The following KMO variants were observed in gnomAD, a reference collection of about 807,000 sequenced individuals.
KMO encodes kynurenine 3-monooxygenase, also known as kynurenine 3-hydroxylase.
KMO carries 24 observed loss-of-function variants against 57.8 expected under a neutral mutation model. The ratio of observed to expected loss-of-function variants is 0.42; its 90% CI spans 0.30 to 0.58. The LOEUF (loss-of-function observed/expected upper bound fraction) is 0.58. KMO is among the 20% of genes least tolerant of loss of function. KMO has a pLI of 0.22. For synonymous variants in KMO, 210 were observed against 193.6 expected (o/e 1.08, Z -0.70); for missense variants, 483 against 588.2 (o/e 0.82, Z 1.85).
chr1:241,548,790 TG>T, intron 1 of KMO, 38 bp from the exon 2 acceptor site: 1 of 1,277,726 alleles, frequency 7.8e-7, no homozygotes, highest in Non-Finnish European at 1.1e-6. Flanking sequence ...CCTATATTTG[TG>T]GAATCAGATA....
chr1:241,545,254 T>C (rs897653758), intron 1 of KMO, among the ~76,000 whole-genome samples: 1 of 152,220 alleles, frequency 6.6e-6, no homozygotes, highest in Admixed American at 6.5e-5. Flanking sequence ...CAGACAGATA[T>C]TGATTATAGA....
intron 9 of KMO, among the ~76,000 whole-genome samples, chr1:241,567,169 G>C (rs1662114574): frequency 6.6e-6 from 1 of 152,172 alleles, no homozygotes; most frequent in South Asian, 2.1e-4. Flanking sequence ...CTTCATGAAG[G>C]CAGCGCAATG....
chr1:241,557,015 G>A (rs1040719926), intron 5 of KMO, among the ~76,000 whole-genome samples: 2 of 147,068 alleles, frequency 1.4e-5, no homozygotes, highest in African/African-American at 5.0e-5. Flanking sequence ...GCACAGAAGG[G>A]CCCAAGAATA....
chr1:241,560,568 C>A, intron 5 of KMO, 97 bp from the exon 6 acceptor site: 1 of 852,236 alleles, frequency 1.2e-6, no homozygotes, highest in Non-Finnish European at 2.0e-6. Flanking sequence ...AAATTCTCTA[C>A]CATACTGTTC....
intron 11 of KMO, among the ~76,000 whole-genome samples, chr1:241,588,008 T>C (rs1663075908): frequency 6.6e-6 from 1 of 152,196 alleles, no homozygotes; most frequent in South Asian, 2.1e-4. Flanking sequence ...AGGTAAAGGA[T>C]AGACTAGAGA....
chr1:241,570,084 T>C (rs1174743205), intron 10 of KMO, among the ~76,000 whole-genome samples: 1 of 152,152 alleles, frequency 6.6e-6, no homozygotes, highest in East Asian at 1.9e-4. Context: ...GATTATTCGT[T>C]ATCTTCTGAC....
intron 10 of KMO, among the ~76,000 whole-genome samples, chr1:241,570,591 A>T (rs560117133): frequency 6.6e-6 from 1 of 151,938 alleles, no homozygotes; most frequent in East Asian, 1.9e-4. Context: ...TCAATGCTAA[A>T]ATTGAATGTG....
At chr1:241,538,322 T>C (rs747031480) in intron 1 of KMO, among the ~76,000 whole-genome samples, 11 of 152,116 alleles carry the variant, frequency 7.2e-5, no homozygotes, top group South Asian at 2.1e-4. Context: ...CCTTACTCCA[T>C]AGTAATAAGG....
At chr1:241,566,302 C>T (rs1056062970) in intron 8 of KMO, among the ~76,000 whole-genome samples, 189 bp from the exon 9 acceptor site, 1 of 152,116 alleles carries the variant, frequency 6.6e-6, no homozygotes, top group Admixed American at 6.5e-5. Flanking sequence ...CTGGAGAGCA[C>T]CCCTGGGACT....
At position 241,586,750 on chromosome 1, in the gene KMO, A is replaced by G. The variant is rs774898184; in HGVS notation, c.1015+14A>G. ...GTAACGACCTTAGTAAGTAAGGTCA[A>G]TTTCTCAACTGGACATGTACTAGCT... On this transcript the variant is annotated intron_variant, in intron 11 of 14. Coordinates refer to ENST00000366559, the MANE Select transcript of KMO (RefSeq NM_003679.5). The G allele has an allele frequency of 1.7e-5, 27 of 1,575,052 alleles. No homozygotes were observed. Among genetic ancestry groups the G allele is most frequent in the East Asian group, 2.2e-5 (1 of 44,634 alleles).
chr1:241,548,097 A>ACACACAC (rs1661218568), intron 1 of KMO, among the ~76,000 whole-genome samples: 2 of 151,880 alleles, frequency 1.3e-5, no homozygotes, highest in Admixed American at 6.6e-5. Context: ...AAACACACAC[A>ACACACAC]CACACACACA....
At chr1:241,543,920 C>T (rs1195550359) in intron 1 of KMO, among the ~76,000 whole-genome samples, 1 of 152,212 alleles carries the variant, frequency 6.6e-6, no homozygotes, top group East Asian at 1.9e-4. Flanking sequence ...CCACCTTGGT[C>T]AGCCCTCCTC....
rs955547278 is a variant in KMO, at chr1:241,549,025, C to G, written c.124+127C>G. 14 of 606,260 alleles carry G rather than the reference C, an allele frequency of 2.3e-5. No individual in the cohort carries two copies. In the African/African-American group the frequency reaches 2.6e-4, roughly 11 times the overall value. The allele number at this position is 606,260 out of a possible 1,614,324, so 37.6% of individuals were successfully genotyped here. ...ACCAGCCTGGGCAACATGGCAAAAC[C>G]CCATCTCTACAAAAAATACAAAAAT... On this transcript the variant is annotated intron_variant, in intron 2 of 14. Transcript: ENST00000366559.
intron 10 of KMO, among the ~76,000 whole-genome samples, chr1:241,583,103 G>A (rs1365286291): frequency 1.3e-5 from 2 of 152,140 alleles, no homozygotes; most frequent in African/African-American, 4.8e-5. Context: ...GGGTTACTAG[G>A]CAAAGTATCT....
chr1:241,548,961 G>A, intron 2 of KMO, 63 bp downstream of exon 2: 1 of 1,077,232 alleles, frequency 9.3e-7, no homozygotes, highest in Non-Finnish European at 1.4e-6. Flanking sequence ...CACTTTGGGA[G>A]GCCAGGGCAC....
At chr1:241,536,284 A>G (rs775331632) in intron 1 of KMO, among the ~76,000 whole-genome samples, 12 of 152,220 alleles carry the variant, frequency 7.9e-5, no homozygotes, top group Non-Finnish European at 1.2e-4. Context: ...AAAAACTGCC[A>G]TACAAACTGC....
At chr1:241,539,455 G>A (rs1660875158) in intron 1 of KMO, among the ~76,000 whole-genome samples, 1 of 151,962 alleles carries the variant, frequency 6.6e-6, no homozygotes, top group Non-Finnish European at 1.5e-5. Context: ...TGCATTCAGA[G>A]TAACAACTGT....
intron 1 of KMO, among the ~76,000 whole-genome samples, chr1:241,543,067 G>A (rs899712600): frequency 9.2e-5 from 14 of 152,016 alleles, no homozygotes; most frequent in South Asian, 8.4e-4. Context: ...TCCTTACACA[G>A]TATTATGACT....
intron 1 of KMO, among the ~76,000 whole-genome samples, chr1:241,533,860 A>G (rs1022306837): frequency 3.3e-5 from 5 of 152,218 alleles, no homozygotes; most frequent in African/African-American, 9.6e-5. Flanking sequence ...GGGACATGTG[A>G]CCAGAGACCT....
Sources: gnomAD v4.1 joint callset for allele counts (sites outside exome capture counted in the v4.1 genomes callset) on GRCh38, gnomAD v4.1.1 for gene constraint, MANE v1.5 for transcripts, NCBI Gene and HGNC (gene_info 2026-07-23, HGNC 2026-07-21) for gene names.